Variants in GFOD1 observed in about 807,000 individuals in gnomAD.
GFOD1 encodes the protein glucose-fructose oxidoreductase domain-containing protein 1.
GFOD1 carries 9 observed loss-of-function variants against 25.4 expected under a neutral mutation model. The observed-to-expected ratio is 0.35, with a 90% CI of 0.21 to 0.62. The LOEUF (loss-of-function observed/expected upper bound fraction) is 0.62, where lower values mean the gene tolerates loss of function less well. Among genes scored for constraint, GFOD1 ranks in the 20% least tolerant of loss-of-function variants. GFOD1 has a pLI of 0.72. For synonymous variants in GFOD1, 253 were observed against 245.6 expected, an observed-to-expected ratio of 1.03 and a Z score of -0.28; for missense variants, 403 against 556.9, an observed-to-expected ratio of 0.72 and a Z score of 2.78.
chr6:13,360,103 C>A lies in GFOD1; in HGVS notation c.*4640G>T. ...TCCTTTCCCTAGAGCTCTGGAGGTG[C>A]TATGTGAGGCAGCATGAGACTTAAG... is the stretch of plus-strand genomic sequence containing the variant. On this transcript the variant is annotated 3_prime_UTR_variant, in exon 2 of 2. Coordinates refer to ENST00000379287, the MANE Select transcript of GFOD1 (RefSeq NM_018988.4). 1 of 153,510 alleles carries A rather than the reference C, an allele frequency of 6.5e-6. No individual in the cohort carries two copies. The highest frequency in any genetic ancestry group is 1.4e-5 in the Non-Finnish European group (1 of 68,982). The allele number at this position is 153,510 out of a possible 1,614,324, so 9.5% of individuals were successfully genotyped here.
rs181857616 is a variant in GFOD1, at chr6:13,371,947, G to A, written c.254-6285C>T. ...CACGGGTGAGTGGCAGAAAGCACAC[G>A]AGGACTGGCCTGAGTCTTCTGGGGA... is the stretch of plus-strand genomic sequence containing the variant. On this transcript the variant is annotated intron_variant, in intron 1 of 1. Transcript: ENST00000379287. 2.8e-4 allele frequency among the ~76,000 whole-genome samples: 43 copies of A among 152,334 alleles called. No homozygotes were observed. In the East Asian group the frequency reaches 3.3e-3, roughly 12 times the overall value.
intron 1 of GFOD1, among the ~76,000 whole-genome samples, chr6:13,410,302 C>A (rs933927574): frequency 6.6e-6 from 1 of 152,014 alleles, no homozygotes; most frequent in African/African-American, 2.4e-5. Flanking sequence ...CTGACAACAA[C>A]AATGAAAGTT....
Position 13,398,012 on chromosome 6 carries a change from G to A in GFOD1, c.254-32350C>T, listed in dbSNP as rs78861525. On this transcript the variant is annotated intron_variant, in intron 1 of 1. Transcript: ENST00000379287. Reference sequence around the variant, plus strand: ...ACTGCTATTGCAGAAGGAAGTCTGAGAAGCTGTGTATAGGGGAAAGTGCAA... The same window carrying A: ...ACTGCTATTGCAGAAGGAAGTCTGAAAAGCTGTGTATAGGGGAAAGTGCAA... 2.4e-3 allele frequency among the ~76,000 whole-genome samples: 360 copies of A among 152,330 alleles called. 1 individual carries two copies. Among genetic ancestry groups the A allele is most frequent in the South Asian group, 7.0e-3 (34 of 4,826 alleles).
chr6:13,373,519 T>A lies in GFOD1; in HGVS notation c.254-7857A>T, dbSNP rs1007438190. ...AGAAAGATTAAGCAGAATTGGAGTT[T>A]AGAGTAAAGAAAAAGAAAAAAGGCA... On this transcript the variant is annotated intron_variant, in intron 1 of 1. Transcript: ENST00000379287. Among the ~76,000 whole-genome samples, 6 of 152,232 alleles carry A rather than the reference T, an allele frequency of 3.9e-5. No homozygotes were observed. In the East Asian group the frequency reaches 9.6e-4, roughly 24 times the overall value.
intron 1 of GFOD1, among the ~76,000 whole-genome samples, chr6:13,483,958 A>G (rs1188727648): frequency 6.6e-6 from 1 of 152,236 alleles, no homozygotes; most frequent in Non-Finnish European, 1.5e-5. Context: ...CCTGGCATAC[A>G]GTATGTACTT....
intron 1 of GFOD1, among the ~76,000 whole-genome samples, chr6:13,447,476 C>T (rs1018899133): frequency 6.6e-6 from 1 of 152,038 alleles, no homozygotes; most frequent in Non-Finnish European, 1.5e-5. Context: ...GTGGCTCACG[C>T]CTGTAATTCC....
chr6:13,387,965 C>A (rs982643670), intron 1 of GFOD1, among the ~76,000 whole-genome samples: 2 of 152,156 alleles, frequency 1.3e-5, no homozygotes, highest in Admixed American at 6.5e-5. Context: ...CATTCCTATA[C>A]AACAATAACA....
intron 1 of GFOD1, among the ~76,000 whole-genome samples, chr6:13,391,072 G>A (rs1340432936): frequency 2.0e-5 from 3 of 152,158 alleles, no homozygotes; most frequent in African/African-American, 7.2e-5. Context: ...ACAGGGAAAG[G>A]AAGAAAGAAG....
intron 1 of GFOD1, among the ~76,000 whole-genome samples, chr6:13,376,572 A>G (rs1785261367): frequency 6.6e-6 from 1 of 152,218 alleles, no homozygotes; most frequent in Admixed American, 6.5e-5. Context: ...ACATTGGGTC[A>G]CCAGAGTCAT....
intron 1 of GFOD1, among the ~76,000 whole-genome samples, chr6:13,373,405 G>A (rs1037411105): frequency 2.6e-5 from 4 of 152,080 alleles, no homozygotes; most frequent in African/African-American, 7.2e-5. Context: ...TGCTAATACT[G>A]GACTGTTTAT....
rs1427327100 is a variant in GFOD1 at position 13,365,602 on chromosome 6, G to A, written c.314C>T (p.Thr105Ile). 2 of 1,605,266 alleles carry A rather than the reference G, an allele frequency of 1.2e-6. No individual in the cohort carries two copies. The highest frequency in any genetic ancestry group is 2.7e-5 in the African/African-American group (2 of 74,938). ...TATPLDAFRM[T>I]SAAHYYPKLM... is the part of the protein sequence containing the mutation. ...CTTGGGGTAGTAGTGGGCGGCCGAG[G>A]TCATGCGGAAAGCGTCCAGCGGCGT... The change falls in exon 2 of 2, where the codon ACC becomes ATC. Residue 105 changes from threonine to isoleucine, a missense_variant. Transcript: ENST00000379287. The surrounding 1 kb of genome is among the most constrained non-coding windows in gnomAD (Gnocchi z 9.2).
At position 13,360,747 on chromosome 6, in the gene GFOD1, C is replaced by T. The variant is rs1483630624; in HGVS notation, c.*3996G>A. 1.1e-5 allele frequency: 5 copies of T among 456,650 alleles called. No individual in the cohort carries two copies. The highest frequency in any genetic ancestry group is 7.7e-5 in the South Asian group (5 of 64,574). The allele number at this position is 456,650 out of a possible 1,614,324, so 28.3% of individuals were successfully genotyped here. ...ATCCTGCTGAACAGGAGGGTGCTGA[C>T]AGCAGGCTGAGTGGAGCCGCAGGTT... On this transcript the variant is annotated 3_prime_UTR_variant, in exon 2 of 2. Coordinates refer to ENST00000379287, the MANE Select transcript of GFOD1 (RefSeq NM_018988.4).
chr6:13,422,234 T>C (rs1299437583), intron 1 of GFOD1, among the ~76,000 whole-genome samples: 2 of 152,208 alleles, frequency 1.3e-5, no homozygotes, highest in African/African-American at 2.4e-5. Flanking sequence ...AGAAGCTCAT[T>C]TGTATGTTTT....
chr6:13,414,658 GA>G (rs1715043167), intron 1 of GFOD1, among the ~76,000 whole-genome samples: 1 of 152,190 alleles, frequency 6.6e-6, no homozygotes, highest in Admixed American at 6.5e-5. Flanking sequence ...GGCATGTTGG[GA>G]AAAATGTCAG....
intron 1 of GFOD1, among the ~76,000 whole-genome samples, chr6:13,419,238 T>C (rs979827302): frequency 6.6e-5 from 10 of 152,188 alleles, no homozygotes; most frequent in Admixed American, 6.5e-4. Context: ...TTAAAAACTA[T>C]GACTGAGATC....
chr6:13,385,289 G>A (rs1785446046), intron 1 of GFOD1, among the ~76,000 whole-genome samples: 1 of 152,176 alleles, frequency 6.6e-6, no homozygotes, highest in African/African-American at 2.4e-5. Context: ...ATTCCACCCA[G>A]GTACCTGCCC....
chr6:13,455,214 G>A (rs1328559386), intron 1 of GFOD1, among the ~76,000 whole-genome samples: 2 of 152,126 alleles, frequency 1.3e-5, no homozygotes, highest in African/African-American at 4.8e-5. Flanking sequence ...AATACACCCA[G>A]AGAGGTGCGG....
At chr6:13,464,514 C>CT (rs1758346496) in intron 1 of GFOD1, among the ~76,000 whole-genome samples, 1 of 152,238 alleles carries the variant, frequency 6.6e-6, no homozygotes, top group African/African-American at 2.4e-5. Context: ...CTGAAATACT[C>CT]TTTCCCTCAT....
chr6:13,384,446 T>C (rs1250502734), intron 1 of GFOD1, among the ~76,000 whole-genome samples: 2 of 152,188 alleles, frequency 1.3e-5, no homozygotes, highest in African/African-American at 2.4e-5. Flanking sequence ...TGGAAAATGT[T>C]TGGACACCTC....
Sources: gnomAD v4.1 joint callset for allele counts (sites outside exome capture counted in the v4.1 genomes callset) on GRCh38, gnomAD v4.1.1 for gene constraint, Gnocchi (gnomAD v3.1) non-coding constraint, MANE v1.5 for transcripts, NCBI Gene and HGNC (gene_info 2026-07-23, HGNC 2026-07-21) for gene names.